Variants in ARHGAP26 observed in about 807,000 individuals in gnomAD.
ARHGAP26 encodes Rho GTPase activating protein 26, also known as rho GTPase-activating protein 26.
A neutral mutation model predicts 104.8 loss-of-function variants in ARHGAP26; 38 were observed. The observed-to-expected ratio is 0.36, with a 90% CI of 0.28 to 0.48. The LOEUF is 0.48. Among genes scored for constraint, ARHGAP26 ranks in the 20% least tolerant of loss-of-function variants. The pLI, the probability that ARHGAP26 is intolerant of heterozygous loss-of-function variation, is 0.99. For synonymous variants in ARHGAP26, 341 were observed against 340.0 expected (o/e 1.00, Z -0.03); for missense variants, 704 against 947.9 (o/e 0.74, Z 3.38).
At chr5:143,049,195 A>G (rs993027672) in intron 14 of ARHGAP26, among the ~76,000 whole-genome samples, 3 of 152,090 alleles carry the variant, frequency 2.0e-5, no homozygotes, top group Non-Finnish European at 2.9e-5. Flanking sequence ...GTAATTCTCA[A>G]TCTTTTAAAC....
chr5:142,974,750 A>G (rs1454331421), intron 11 of ARHGAP26, among the ~76,000 whole-genome samples: 1 of 152,214 alleles, frequency 6.6e-6, no homozygotes, highest in Non-Finnish European at 1.5e-5. Flanking sequence ...CTGAGCTTCT[A>G]GAAAGTGATA....
At chr5:142,906,172 TGTG>T (rs1268593492) in intron 8 of ARHGAP26, among the ~76,000 whole-genome samples, 1 of 152,204 alleles carries the variant, frequency 6.6e-6, no homozygotes, top group Non-Finnish European at 1.5e-5. Flanking sequence ...TCTGGACACA[TGTG>T]GTGTCGACCT....
chr5:142,957,186 A>G (rs893513320), intron 11 of ARHGAP26, among the ~76,000 whole-genome samples: 1 of 152,220 alleles, frequency 6.6e-6, no homozygotes, highest in Non-Finnish European at 1.5e-5. Context: ...GGGAAAATTG[A>G]TGAGGCTCTC....
chr5:143,210,751 G>A (rs963344674), intron 21 of ARHGAP26, among the ~76,000 whole-genome samples: 4 of 152,314 alleles, frequency 2.6e-5, no homozygotes, highest in African/African-American at 7.2e-5. Flanking sequence ...CATTTTGCAA[G>A]GTTTGCAAGG....
At chr5:143,183,071 G>A (rs1413660543) in intron 20 of ARHGAP26, among the ~76,000 whole-genome samples, 3 of 118,126 alleles carry the variant, frequency 2.5e-5, no homozygotes, top group African/African-American at 1.2e-4. Flanking sequence ...AATGAAAAGT[G>A]GCAAAAAAAA....
chr5:143,213,061 C>T (rs1460470996), intron 21 of ARHGAP26, among the ~76,000 whole-genome samples: 5 of 152,194 alleles, frequency 3.3e-5, no homozygotes, highest in Non-Finnish European at 5.9e-5. Context: ...AGGAGAATGG[C>T]GTGAACCCAG....
In ARHGAP26 at chr5:143,179,439, T is replaced by C. The variant is rs1342737380; in HGVS notation, c.1989-27759T>C. On this transcript the variant is annotated intron_variant, in intron 20 of 22. Coordinates refer to ENST00000645722, the MANE Select transcript of ARHGAP26 (RefSeq NM_001135608.3). The stretch of plus-strand genomic sequence containing the variant: ...GGATCTCCTGGGTTGCGTTGCTTTT[T>C]GTGACTGACTTTCTGCTCTGCTGGC... Among the ~76,000 whole-genome samples the C allele has an allele frequency of 2.0e-5, 3 of 152,242 alleles. No individual in the cohort carries two copies. In the East Asian group the frequency reaches 5.8e-4, roughly 29 times the overall value.
intron 11 of ARHGAP26, among the ~76,000 whole-genome samples, chr5:142,957,908 C>T (rs76910416): frequency 6.6e-6 from 1 of 152,232 alleles, no homozygotes; most frequent in Non-Finnish European, 1.5e-5. Context: ...AATCTGCAAA[C>T]GTACTTGAAC....
At chr5:142,956,984 C>T (rs1425097943) in intron 11 of ARHGAP26, among the ~76,000 whole-genome samples, 1 of 152,196 alleles carries the variant, frequency 6.6e-6, no homozygotes, top group Non-Finnish European at 1.5e-5. Flanking sequence ...AATTTTGGGA[C>T]ATACAATTCA....
chr5:142,923,718 A>T (rs1763502346), intron 10 of ARHGAP26, among the ~76,000 whole-genome samples: 2 of 152,192 alleles, frequency 1.3e-5, no homozygotes, highest in African/African-American at 4.8e-5. Context: ...GTAAGAACTT[A>T]TCTGATGTGG....
chr5:143,037,521 G>T (rs953650910), intron 13 of ARHGAP26, among the ~76,000 whole-genome samples: 1 of 152,066 alleles, frequency 6.6e-6, no homozygotes, highest in Non-Finnish European at 1.5e-5. Flanking sequence ...ACTGAAATTC[G>T]ATTTTTAAAA....
chr5:142,882,026 G>A (rs1757067115), intron 4 of ARHGAP26, among the ~76,000 whole-genome samples: 1 of 152,146 alleles, frequency 6.6e-6, no homozygotes, highest in African/African-American at 2.4e-5. Context: ...ATGGCCCTAA[G>A]TTTCTATTTC....
intron 20 of ARHGAP26, among the ~76,000 whole-genome samples, chr5:143,163,499 C>T (rs575442857): frequency 1.1e-4 from 16 of 151,224 alleles, no homozygotes; most frequent in African/African-American, 3.9e-4. Context: ...TGCCCAGGCT[C>T]GAGTGCAATG....
Position 142,848,079 on chromosome 5 carries a change from T to C in ARHGAP26, c.155-25321T>C, listed in dbSNP as rs575589439. ...ATGGCAGTGTCTGAAGGTGGCAAGC[T>C]TTAGTTGGTGAAGGGGAGTGATCTG... On this transcript the variant is annotated intron_variant, in intron 1 of 22. Coordinates refer to ENST00000645722, the MANE Select transcript of ARHGAP26 (RefSeq NM_001135608.3). 2.6e-5 allele frequency among the ~76,000 whole-genome samples: 4 copies of C among 152,290 alleles called. No homozygotes were observed. In the South Asian group the frequency reaches 8.3e-4, roughly 32 times the overall value.
intron 17 of ARHGAP26, among the ~76,000 whole-genome samples, chr5:143,075,312 A>AAT (rs1210273526): frequency 6.7e-6 from 1 of 149,430 alleles, no homozygotes; most frequent in Non-Finnish European, 1.5e-5. Context: ...TATAAATATA[A>AAT]ATATATATAA....
chr5:142,906,463 TATGTA>T (rs1157755950), intron 8 of ARHGAP26, among the ~76,000 whole-genome samples: 1 of 152,188 alleles, frequency 6.6e-6, no homozygotes, highest in African/African-American at 2.4e-5. Flanking sequence ...TCAGTGTACT[TATGTA>T]AGGAAGAGTC....
In ARHGAP26 at chr5:142,840,424, T is replaced by C. The variant is rs544632089; in HGVS notation, c.155-32976T>C. Among the ~76,000 whole-genome samples the C allele has an allele frequency of 2.2e-4, 34 of 152,324 alleles. No homozygotes were observed. The South Asian group carries it at 5.8e-3, about 26-fold the overall frequency. ...AGAATCTTAGGCAGTACATAATCAC[T>C]GTTTTTGTTGTTGTTGTTGTTTTTT... On this transcript the variant is annotated intron_variant, in intron 1 of 22. Transcript: ENST00000645722.
chr5:142,831,609 T>G (rs930104542), intron 1 of ARHGAP26, among the ~76,000 whole-genome samples: 1 of 151,206 alleles, frequency 6.6e-6, no homozygotes, highest in Non-Finnish European at 1.5e-5. Flanking sequence ...CAAGCCACCC[T>G]CCCCTCCCTT....
At chr5:142,901,485 T>C (rs145162945) in intron 6 of ARHGAP26, among the ~76,000 whole-genome samples, 1 of 152,330 alleles carries the variant, frequency 6.6e-6, no homozygotes, top group East Asian at 1.9e-4. Flanking sequence ...CTTTTCTGCC[T>C]TCCTCTTCTG....
Sources: gnomAD v4.1 joint callset for allele counts (sites outside exome capture counted in the v4.1 genomes callset) on GRCh38, gnomAD v4.1.1 for gene constraint, MANE v1.5 for transcripts, NCBI Gene and HGNC (gene_info 2026-07-23, HGNC 2026-07-21) for gene names.